COL5A1: variants seen among roughly 807,000 people sequenced by gnomAD.
The protein encoded by COL5A1 is collagen alpha-1(V) chain.
In COL5A1, 16 loss-of-function variants were observed where a neutral mutation model predicts 263.7. That is an observed-to-expected ratio of 0.06 (90% CI 0.04 to 0.09). The LOEUF is 0.09. Among genes scored for constraint, COL5A1 ranks in the 10% least tolerant of loss-of-function variants. The pLI, the probability that COL5A1 is intolerant of heterozygous loss-of-function variation, is 1.00. For missense variants in COL5A1, 2,036 were observed against 2,540.5 expected (o/e 0.80, Z 4.27); for synonymous variants, 1,012 against 1,004.5 (o/e 1.01, Z -0.14).
intron 18 of COL5A1, among the ~76,000 whole-genome samples, chr9:134,760,343 C>CA (rs1564439969): frequency 1.2e-4 from 8 of 65,978 alleles, no homozygotes; most frequent in South Asian, 6.7e-4. Context: ...GCACACACAC[C>CA]CCCACACACC....
At chr9:134,800,553 C>T (rs973166062) in intron 37 of COL5A1, among the ~76,000 whole-genome samples, 2 of 151,858 alleles carry the variant, frequency 1.3e-5, no homozygotes, top group African/African-American at 2.4e-5. Flanking sequence ...GAGACCAGCC[C>T]GGCCAACATG....
chr9:134,762,266 C>T (rs1836480089), intron 19 of COL5A1, among the ~76,000 whole-genome samples: 1 of 152,212 alleles, frequency 6.6e-6, no homozygotes, highest in Non-Finnish European at 1.5e-5. Context: ...ATGCAGGTGC[C>T]CCAAACCCCA....
At chr9:134,663,453 C>T (rs142070549) in intron 1 of COL5A1, among the ~76,000 whole-genome samples, 128 of 152,332 alleles carry the variant, frequency 8.4e-4, no homozygotes, top group Non-Finnish European at 1.5e-3. Context: ...CCTGGCCAAC[C>T]TGGCAGGGCT....
intron 1 of COL5A1, among the ~76,000 whole-genome samples, chr9:134,674,880 C>T (rs1248499295): frequency 6.6e-6 from 1 of 150,820 alleles, no homozygotes; most frequent in African/African-American, 2.4e-5. Flanking sequence ...GACTCCATCT[C>T]AAAAAAAAGA....
At chr9:134,685,175 T>C in intron 1 of COL5A1, among the ~76,000 whole-genome samples, 2 of 148,068 alleles carry the variant, frequency 1.4e-5, no homozygotes, top group African/African-American at 5.1e-5. Flanking sequence ...CATCCATCCA[T>C]TCATTCATCC....
chr9:134,842,171 C>T lies in COL5A1; in HGVS notation c.5385C>T (p.Tyr1795=). Residue 1795 remains tyrosine, a synonymous_variant, in exon 66 of 66, where the codon TAC becomes TAT. Coordinates refer to ENST00000371817, the MANE Select transcript of COL5A1 (RefSeq NM_000093.5). The surrounding 1 kb of genome is among the most constrained non-coding windows in gnomAD (Gnocchi z 5.8). Reference sequence around the variant, plus strand: ...CTCTTCCCCAGACCAAGAAAGGCTACCAGAAGACGGTTCTGGAGATCGACA... The same window carrying T: ...CTCTTCCCCAGACCAAGAAAGGCTATCAGAAGACGGTTCTGGAGATCGACA... The part of the protein sequence containing the change: ...LVDGCATKKG[Y]QKTVLEIDTP... The T allele has an allele frequency of 1.2e-6, 2 of 1,614,016 alleles. No homozygotes were observed. The highest frequency in any genetic ancestry group is 2.2e-5 in the South Asian group (2 of 91,076).
intron 34 of COL5A1, 113 bp from the exon 35 acceptor site, chr9:134,796,261 G>C: frequency 8.6e-7 from 1 of 1,166,606 alleles, no homozygotes; most frequent in South Asian, 1.2e-5. Context: ...CCACCTTCAG[G>C]GGTGCACACA....
chr9:134,819,210 T>C (rs1564481515), intron 57 of COL5A1, among the ~76,000 whole-genome samples, 157 bp downstream of exon 57: 1 of 152,244 alleles, frequency 6.6e-6, no homozygotes, highest in Admixed American at 6.5e-5. Context: ...CAAAGGAAAA[T>C]AGACACGCTG....
chr9:134,649,046 A>G (rs897362078), intron 1 of COL5A1, among the ~76,000 whole-genome samples: 1 of 150,454 alleles, frequency 6.6e-6, no homozygotes, highest in Non-Finnish European at 1.5e-5. Flanking sequence ...GTGGCTGATC[A>G]CTGAAAGGAG....
chr9:134,818,887 C>A lies in COL5A1; in HGVS notation c.4378C>A (p.Pro1460Thr), dbSNP rs773125713. ...GLPGSPGPDG[P>T]PGPMGPPGLP... ...CCCAGGATCCCCAGGCCCGGACGGTCCCCCCGGCCCCATGGTGAGTCACAT... is the reference window on the plus strand; with the variant it reads ...CCCAGGATCCCCAGGCCCGGACGGTACCCCCGGCCCCATGGTGAGTCACAT... Residue 1460 changes from proline (P) to threonine (T), a missense_variant, in exon 56 of 66, where the codon CCC (proline) becomes ACC (threonine). Around this residue, in one of 3 missense-constraint regions of COL5A1, gnomAD observed 1,078 missense variants for 1,521.4 expected, o/e 0.71. Coordinates refer to ENST00000371817, the MANE Select transcript of COL5A1 (RefSeq NM_000093.5). The surrounding 1 kb of genome is among the most constrained non-coding windows in gnomAD (Gnocchi z 6.0). 5.0e-6 allele frequency: 8 copies of A among 1,611,648 alleles called. No homozygotes were observed. Among genetic ancestry groups the A allele is most frequent in the Non-Finnish European group, 6.8e-6 (8 of 1,178,754 alleles).
At chr9:134,816,271 G>A (rs565803444) in intron 52 of COL5A1, among the ~76,000 whole-genome samples, 1 of 152,264 alleles carries the variant, frequency 6.6e-6, no homozygotes, top group African/African-American at 2.4e-5. Flanking sequence ...CCATGGGCTC[G>A]CCCGGGAACG....
intron 2 of COL5A1, 58 bp from the exon 3 acceptor site, chr9:134,699,848 ATGG>A: frequency 6.5e-7 from 1 of 1,537,174 alleles, no homozygotes; most frequent in South Asian, 1.1e-5. Context: ...GCAGAGAGCC[ATGG>A]CTGGGTGTGG....
At chr9:134,702,622 C>G (rs777540144) in intron 4 of COL5A1, among the ~76,000 whole-genome samples, 1 of 152,212 alleles carries the variant, frequency 6.6e-6, no homozygotes, top group Non-Finnish European at 1.5e-5. Flanking sequence ...GGGACGGGCA[C>G]GGTTGAACTG....
At chr9:134,824,960 G>A in intron 62 of COL5A1, 105 bp downstream of exon 62, 1 of 1,441,934 alleles carries the variant, frequency 6.9e-7, no homozygotes, top group East Asian at 2.5e-5. Context: ...GGAAGGGACA[G>A]GACGGGCAGC....
rs1213620191 is a variant in COL5A1 at position 134,682,825 on chromosome 9, G to C, written c.110-8087G>C. ...AAAAAGGAGCAGGCTCTGATGGATC[G>C]CAAATGCCCAGCCTTTGGGAGCGGG... On this transcript the variant is annotated intron_variant, in intron 1 of 65. Transcript: ENST00000371817. The surrounding 1 kb of genome is among the most constrained non-coding windows in gnomAD (Gnocchi z 5.1). 4.6e-5 allele frequency among the ~76,000 whole-genome samples: 7 copies of C among 152,222 alleles called. No homozygotes were observed. The highest frequency in any genetic ancestry group is 3.9e-4 in the Admixed American group (6 of 15,274).
chr9:134,840,380 G>A (rs975706292), intron 65 of COL5A1, among the ~76,000 whole-genome samples: 1 of 152,220 alleles, frequency 6.6e-6, no homozygotes, highest in African/African-American at 2.4e-5. Flanking sequence ...AGGAACGCAT[G>A]CAGGGAGGTG....
intron 26 of COL5A1, among the ~76,000 whole-genome samples, chr9:134,773,224 C>T (rs1238650266): frequency 7.9e-5 from 12 of 152,226 alleles, no homozygotes; most frequent in Admixed American, 5.2e-4. Context: ...TACCAGGTCA[C>T]GCCGGTGCCA....
At chr9:134,825,361 T>C (rs899553519) in intron 62 of COL5A1, among the ~76,000 whole-genome samples, 1 of 152,210 alleles carries the variant, frequency 6.6e-6, no homozygotes, top group African/African-American at 2.4e-5. Flanking sequence ...AATTGAAGGA[T>C]AAATTCCCAT....
rs770172733 is a variant in COL5A1, at chr9:134,758,282, G to A, written c.1921G>A (p.Glu641Lys). Residue 641 changes from glutamate to lysine, a missense_variant, in exon 18 of 66, where the codon GAG becomes AAG. Glu to Lys is a moderately conservative substitution (Grantham distance 56). This residue lies in a region of COL5A1 where 1,078 missense variants were observed against 1,521.4 expected (regional missense o/e 0.71). Transcript: ENST00000371817. The surrounding 1 kb of genome is among the most constrained non-coding windows in gnomAD (Gnocchi z 4.1). ...GFDGLAGLPG[E>K]KGHRGDPGPS... ...CGACGGCCTGGCTGGGTTGCCAGGCGAGAAGGGCCACAGGGTGAGTATTTC... is the reference window on the plus strand; with the variant it reads ...CGACGGCCTGGCTGGGTTGCCAGGCAAGAAGGGCCACAGGGTGAGTATTTC... 6 of 1,614,032 alleles carry A rather than the reference G, an allele frequency of 3.7e-6. No individual in the cohort carries two copies. Among genetic ancestry groups the A allele is most frequent in the African/African-American group, 2.7e-5 (2 of 75,024 alleles).
Sources: allele counts gnomAD v4.1 joint callset (sites outside exome capture counted in the v4.1 genomes callset), GRCh38; gene constraint gnomAD v4.1.1; regional missense constraint gnomAD v4.1.1; non-coding constraint Gnocchi (gnomAD v3.1); transcripts MANE v1.5; gene names NCBI Gene and HGNC (gene_info 2026-07-23, HGNC 2026-07-21).